Variants in IQGAP3 observed in about 807,000 individuals in gnomAD.
The protein encoded by IQGAP3 is IQ motif containing GTPase activating protein 3.
IQGAP3 carries 165 observed loss-of-function variants against 208.2 expected under a neutral mutation model. The ratio of observed to expected loss-of-function variants is 0.79; its 90% CI spans 0.70 to 0.90. The LOEUF (loss-of-function observed/expected upper bound fraction) is 0.90. Among genes scored for constraint, IQGAP3 ranks in the 40% least tolerant of loss-of-function variants. The pLI is 0.00. For missense variants in IQGAP3, 1,811 were observed against 2,043.1 expected (o/e 0.89, Z 2.19); for synonymous variants, 703 against 803.6 (o/e 0.87, Z 2.12).
chr1:156,566,619 C>T (rs1334657871), intron 2 of IQGAP3, 73 bp from the exon 3 acceptor site: 1 of 1,455,250 alleles, frequency 6.9e-7, no homozygotes, highest in African/African-American at 1.4e-5. Flanking sequence ...AGGAACTTCC[C>T]TCTGTCCCTC....
chr1:156,545,992 G>A (rs916300835), intron 19 of IQGAP3, among the ~76,000 whole-genome samples: 4 of 152,176 alleles, frequency 2.6e-5, no homozygotes, highest in Non-Finnish European at 4.4e-5. Context: ...GGGATAGGAT[G>A]TAAAAGAGGA....
chr1:156,539,431 C>A lies in IQGAP3; in HGVS notation c.2999G>T (p.Arg1000Leu), dbSNP rs111494634. The change falls in exon 25 of 38, where the codon CGC becomes CTC. Residue 1000 changes from arginine (R) to leucine (L), a missense_variant. Arg to Leu is a moderately radical substitution (Grantham distance 102). Coordinates refer to ENST00000361170, the MANE Select transcript of IQGAP3 (RefSeq NM_178229.5). The stretch of plus-strand genomic sequence containing the variant: ...CTGGAGCAGGAGATAGGCCTCTCGG[C>A]GGCTGGAGGCATAGTTGTACAGGCT... ...IFSLYNYASS[R>L]REAYLLLQLF... 6.2e-7 allele frequency: 1 copy of A among 1,614,072 alleles called. No homozygotes were observed. Among genetic ancestry groups the A allele is most frequent in the South Asian group, 1.1e-5 (1 of 91,074 alleles).
At chr1:156,555,074 T>C (rs1675764817) in intron 12 of IQGAP3, among the ~76,000 whole-genome samples, 1 of 151,930 alleles carries the variant, frequency 6.6e-6, no homozygotes, top group South Asian at 2.1e-4. Flanking sequence ...AAAATTGAAC[T>C]GCACTAGGCC....
At chr1:156,554,726 T>C (rs531031670) in intron 12 of IQGAP3, among the ~76,000 whole-genome samples, 1 of 152,280 alleles carries the variant, frequency 6.6e-6, no homozygotes, top group South Asian at 2.1e-4. Context: ...ACTTAACAAG[T>C]AAGCTCTACC....
Position 156,552,064 on chromosome 1 carries a change from C to T in IQGAP3, c.1480G>A (p.Glu494Lys). The change falls in exon 14 of 38, where the codon GAG becomes AAG. Residue 494 changes from glutamate (E) to lysine (K), a missense_variant. Coordinates refer to ENST00000361170, the MANE Select transcript of IQGAP3 (RefSeq NM_178229.5). Reference sequence around the variant, plus strand: ...AGGAAGTCCTCACCCATCCCACGCTCCTGTCGCAATTTCAGCAGGGCATCG... The same window carrying T: ...AGGAAGTCCTCACCCATCCCACGCTTCTGTCGCAATTTCAGCAGGGCATCG... ...YFDALLKLRQ[E>K]RGMGEDFLSW... The T allele has an allele frequency of 3.1e-6, 5 of 1,614,172 alleles. No individual in the cohort carries two copies. Among genetic ancestry groups the T allele is most frequent in the Non-Finnish European group, 4.2e-6 (5 of 1,180,034 alleles).
rs752632176 is a variant in IQGAP3, at chr1:156,566,537, CTCCA to C, written c.131_134del (p.Met44ArgfsTer4). 2.5e-6 allele frequency: 4 copies of C among 1,614,032 alleles called. No homozygotes were observed. In the East Asian group the frequency reaches 6.7e-5, roughly 27 times the overall value. Reference sequence around the variant, plus strand: ...AAGGAAGCTCCTCCTTCAGGCAGGCCTCCATCCAGCTATGAACATGAGAACACCT... The same window carrying C: ...AAGGAAGCTCCTCCTTCAGGCAGGCCTCCAGCTATGAACATGAGAACACCT... On this transcript the variant is annotated frameshift_variant, in exon 3 of 38. Coordinates refer to ENST00000361170, the MANE Select transcript of IQGAP3 (RefSeq NM_178229.5). LOFTEE classifies it high-confidence loss of function.
rs776493447 is a variant in IQGAP3, at chr1:156,569,400, A to G, written c.101T>C (p.Leu34Pro). 1.2e-6 allele frequency: 2 copies of G among 1,613,484 alleles called. No individual in the cohort carries two copies. The highest frequency in any genetic ancestry group is 1.7e-6 in the Non-Finnish European group (2 of 1,179,648). Residue 34 changes from leucine to proline, a missense_variant, in exon 2 of 38, where the codon CTG (leucine) becomes CCG (proline). Leu to Pro is a moderately conservative substitution (Grantham distance 98). Transcript: ENST00000361170. ...QRRQNVAYQYLCRLEEAKRWM... is the reference protein window; with the variant it reads ...QRRQNVAYQYPCRLEEAKRWM... The stretch of plus-strand genomic sequence containing the variant: ...CCGCTTGGCCTCCTCCAGCCGGCAC[A>G]GGTACTGATAGGCAACATTCTGCCG...
chr1:156,568,502 C>A (rs1676502125), intron 2 of IQGAP3, among the ~76,000 whole-genome samples: 1 of 152,212 alleles, frequency 6.6e-6, no homozygotes, highest in South Asian at 2.1e-4. Flanking sequence ...CAGGCGTGAG[C>A]CACAGCGCCC....
chr1:156,566,869 T>TC lies in IQGAP3; in HGVS notation c.126-324_126-323insG, dbSNP rs376585580. Among the ~76,000 whole-genome samples the TC allele has an allele frequency of 3.8e-3, 551 of 143,276 alleles. 8 individuals carry two copies. Among genetic ancestry groups the TC allele is most frequent in the South Asian group, 7.1e-3 (31 of 4,396 alleles). The allele number at this position is 143,276 out of a possible 152,430, so 94.0% of individuals were successfully genotyped here. A position where few individuals can be genotyped will look rare whatever the true frequency, so the allele number is the denominator to read the frequency against. On this transcript the variant is annotated intron_variant, in intron 2 of 37. Transcript: ENST00000361170. ...CTCAGTCTAGTTACATGCTTTTTTT[T>TC]TTTTTTTTTTTTTTGAAATGGCGTC...
At chr1:156,538,351 C>T (rs1004952709) in intron 26 of IQGAP3, among the ~76,000 whole-genome samples, 11 of 151,916 alleles carry the variant, frequency 7.2e-5, no homozygotes, top group African/African-American at 2.7e-4. Context: ...TGAGCCACCA[C>T]GCCTGACCTA....
At chr1:156,555,324 G>C (rs1675777688) in intron 12 of IQGAP3, among the ~76,000 whole-genome samples, 2 of 152,180 alleles carry the variant, frequency 1.3e-5, no homozygotes, top group East Asian at 1.9e-4. Context: ...CCGGGTTCAA[G>C]TGATCTCTGA....
At chr1:156,557,569 G>A (rs1409536234) in intron 11 of IQGAP3, among the ~76,000 whole-genome samples, 10 of 83,098 alleles carry the variant, frequency 1.2e-4, no homozygotes, top group Non-Finnish European at 1.6e-4. Context: ...AGGTGGGGGG[G>A]TCAGCCCCCC....
chr1:156,528,300 C>T (rs1208071282), intron 36 of IQGAP3, among the ~76,000 whole-genome samples: 1 of 152,230 alleles, frequency 6.6e-6, no homozygotes, highest in Non-Finnish European at 1.5e-5. Context: ...TCCCAGTACC[C>T]TCTGCCTCAG....
chr1:156,567,196 T>C (rs1676449447), intron 2 of IQGAP3, among the ~76,000 whole-genome samples: 2 of 152,184 alleles, frequency 1.3e-5, no homozygotes, highest in Non-Finnish European at 2.9e-5. Flanking sequence ...CTAAACAAAA[T>C]AGAACGTGCT....
chr1:156,562,760 G>T, intron 8 of IQGAP3, 95 bp from the exon 9 acceptor site: 1 of 1,148,860 alleles, frequency 8.7e-7, no homozygotes, highest in South Asian at 1.2e-5. Flanking sequence ...CTTCTTCTGG[G>T]GACCTTCCCA....
At chr1:156,555,136 C>T (rs922914623) in intron 12 of IQGAP3, among the ~76,000 whole-genome samples, 5 of 152,146 alleles carry the variant, frequency 3.3e-5, no homozygotes, top group African/African-American at 7.2e-5. Context: ...TGCACTGCAC[C>T]GCACACCCAA....
In IQGAP3 at chr1:156,530,145, G is replaced by T. The variant is rs374687381; in HGVS notation, c.4364C>A (p.Ala1455Asp). 64 of 1,609,274 alleles carry T rather than the reference G, an allele frequency of 4.0e-5. 1 individual carries two copies. The African/African-American group carries it at 7.3e-4, about 18-fold the overall frequency. ...RRLEALGLVSARNGYQGLVDE... is the reference protein window; with the variant it reads ...RRLEALGLVSDRNGYQGLVDE... Reference sequence around the variant, plus strand: ...CACTAGCCCCTGGTAGCCATTTCTGGCGCTGACCAACCCCAGGGCTTCAAG... The same window carrying T: ...CACTAGCCCCTGGTAGCCATTTCTGTCGCTGACCAACCCCAGGGCTTCAAG... Residue 1455 changes from alanine to aspartate, a missense_variant, in exon 34 of 38, where the codon GCC becomes GAC. Transcript: ENST00000361170.
intron 16 of IQGAP3, among the ~76,000 whole-genome samples, chr1:156,549,821 CCT>C (rs1675460724): frequency 6.6e-6 from 1 of 152,122 alleles, no homozygotes; most frequent in South Asian, 2.1e-4. Context: ...TCAGCACACC[CCT>C]GTCTATTTGC....
intron 28 of IQGAP3, 117 bp downstream of exon 28, chr1:156,535,046 C>T: frequency 1.2e-6 from 1 of 829,328 alleles, no homozygotes; most frequent in Non-Finnish European, 2.1e-6. Context: ...CAGCATATTT[C>T]CCTCCTTGGA....
Sources: gnomAD v4.1 joint callset for allele counts (sites outside exome capture counted in the v4.1 genomes callset) on GRCh38, gnomAD v4.1.1 for gene constraint, MANE v1.5 for transcripts, NCBI Gene and HGNC (gene_info 2026-07-23, HGNC 2026-07-21) for gene names.